TBX18: variants seen among roughly 807,000 people sequenced by gnomAD.
TBX18 encodes T-box transcription factor TBX18.
TBX18 carries 21 observed loss-of-function variants against 55.0 expected under a neutral mutation model. That is an observed-to-expected ratio of 0.38 (90% CI 0.27 to 0.55). TBX18 has a LOEUF of 0.55. TBX18 is among the 20% of genes least tolerant of loss of function. The probability of loss-of-function intolerance (pLI) is 0.73; values close to 1 mark genes in which losing one functional copy is unlikely to be tolerated. For missense variants in TBX18, 840 were observed against 799.6 expected (o/e 1.05, Z -0.61); for synonymous variants, 342 against 326.1 (o/e 1.05, Z -0.53).
chr6:84,759,381 G>A (rs1276976988), intron 3 of TBX18, among the ~76,000 whole-genome samples: 1 of 152,054 alleles, frequency 6.6e-6, no homozygotes, highest in Non-Finnish European at 1.5e-5. Context: ...TAAAAGCTCT[G>A]TCCCATGCAA....
Position 84,738,561 on chromosome 6 carries a change from A to T in TBX18, c.1035T>A (p.Tyr345Ter). Residue 345 changes from tyrosine (Y) to a stop codon, truncating the protein, a stop_gained, in exon 7 of 8, where the codon TAT (tyrosine) becomes TAA (stop). Coordinates refer to ENST00000369663, the MANE Select transcript of TBX18 (RefSeq NM_001080508.3). LOFTEE classifies it high-confidence loss of function. The stretch of plus-strand genomic sequence containing the variant: ...TCCGTAGTGATGGTCGCCAGAATGC[A>T]TATGATTCCACCAAGGCTTCCAAAC... ...RMGLEALVES[Y>*]AFWRPSLRTL... The T allele has an allele frequency of 6.2e-7, 1 of 1,614,082 alleles. No homozygotes were observed. Among genetic ancestry groups the T allele is most frequent in the Admixed American group, 1.7e-5 (1 of 60,020 alleles).
In TBX18 at chr6:84,736,463, A is replaced by G. The variant is rs947814167; in HGVS notation, c.*222T>C. 5.2e-6 allele frequency: 2 copies of G among 384,072 alleles called. No homozygotes were observed. The highest frequency in any genetic ancestry group is 8.9e-6 in the Non-Finnish European group (2 of 225,696). The allele number at this position is 384,072 out of a possible 1,614,324, so 23.8% of individuals were successfully genotyped here. On this transcript the variant is annotated 3_prime_UTR_variant, in exon 8 of 8. Transcript: ENST00000369663. ...GTGCAACTGGATGAAACAGGGGAAC[A>G]ATAGGGGCCGTGATACTCCATGTGC...
At chr6:84,761,986 G>A (rs1411286536) in intron 2 of TBX18, among the ~76,000 whole-genome samples, 1 of 152,150 alleles carries the variant, frequency 6.6e-6, no homozygotes, top group African/African-American at 2.4e-5. Flanking sequence ...AACATGTATT[G>A]TGGGTGAGTC....
Position 84,764,294 on chromosome 6 carries a change from C to G in TBX18, c.-113G>C. ...AAAGGCTCTCGGGGCCTCCCGAGATCTGCCCCCTTCCCCACCGCGGGCAAA... is the reference window on the plus strand; with the variant it reads ...AAAGGCTCTCGGGGCCTCCCGAGATGTGCCCCCTTCCCCACCGCGGGCAAA... On this transcript the variant is annotated 5_prime_UTR_variant, in exon 1 of 8. Transcript: ENST00000369663. 1 of 1,303,524 alleles carries G rather than the reference C, an allele frequency of 7.7e-7. No individual in the cohort carries two copies. Among genetic ancestry groups the G allele is most frequent in the Non-Finnish European group, 9.9e-7 (1 of 1,013,312 alleles). The allele number at this position is 1,303,524 out of a possible 1,614,324, so 80.7% of individuals were successfully genotyped here. A position where few individuals can be genotyped will look rare whatever the true frequency, so the allele number is the denominator to read the frequency against.
rs1490056486 is a variant in TBX18 at position 84,736,413 on chromosome 6, C to T, written c.*272G>A. On this transcript the variant is annotated 3_prime_UTR_variant, in exon 8 of 8. Transcript: ENST00000369663. The stretch of plus-strand genomic sequence containing the variant: ...AAAGAGTCTGAGAACTTTGCTTAAA[C>T]ATACTACACGCATGCCAATACTCCG... 3.7e-6 allele frequency: 1 copy of T among 267,308 alleles called. No homozygotes were observed. Among genetic ancestry groups the T allele is most frequent in the Non-Finnish European group, 6.9e-6 (1 of 144,918 alleles). The allele number at this position is 267,308 out of a possible 1,614,324, so 16.6% of individuals were successfully genotyped here. A position where few individuals can be genotyped will look rare whatever the true frequency, so the allele number is the denominator to read the frequency against.
chr6:84,736,624 T>C lies in TBX18; in HGVS notation c.*61A>G. ...CAGAGAGTTTCTTTCCACATAGCTTTTAAAAAAGAAAAAGAAAATATGTTA... is the reference window on the plus strand; with the variant it reads ...CAGAGAGTTTCTTTCCACATAGCTTCTAAAAAAGAAAAAGAAAATATGTTA... On this transcript the variant is annotated 3_prime_UTR_variant, in exon 8 of 8. Coordinates refer to ENST00000369663, the MANE Select transcript of TBX18 (RefSeq NM_001080508.3). 1 of 1,463,892 alleles carries C rather than the reference T, an allele frequency of 6.8e-7. No homozygotes were observed. Among genetic ancestry groups the C allele is most frequent in the Non-Finnish European group, 9.0e-7 (1 of 1,106,976 alleles). 90.7% of individuals were successfully genotyped at this position (1,463,892 alleles called of 1,614,324 possible). A position where few individuals can be genotyped will look rare whatever the true frequency, so the allele number is the denominator to read the frequency against.
intron 1 of TBX18, chr6:84,763,058 T>G: frequency 4.2e-6 from 2 of 477,848 alleles, no homozygotes; most frequent in Non-Finnish European, 3.8e-6. Flanking sequence ...CAGAAAAGGC[T>G]TCACGCCGCC....
At chr6:84,744,401 T>G in intron 5 of TBX18, 76 bp from the exon 6 acceptor site, 6 of 1,308,820 alleles carry the variant, frequency 4.6e-6, no homozygotes, top group Non-Finnish European at 6.5e-6. Context: ...AAAACTACAA[T>G]GAGTCAAAAG....
chr6:84,733,091 TCTC>T lies in TBX18; in HGVS notation c.*3591_*3593del, dbSNP rs1344822638. 3 of 152,144 alleles carry T rather than the reference TCTC, an allele frequency of 2.0e-5. No individual in the cohort carries two copies. Among genetic ancestry groups the T allele is most frequent in the Non-Finnish European group, 4.4e-5 (3 of 68,004 alleles). The allele number at this position is 152,144 out of a possible 1,614,324, so 9.4% of individuals were successfully genotyped here. Reference sequence around the variant, plus strand: ...TCTCTAATTCCCGAGGACATGTTATTCTCATCATACCACAGTTCAATGAAAAGA... The same window carrying T: ...TCTCTAATTCCCGAGGACATGTTATTATCATACCACAGTTCAATGAAAAGA... On this transcript the variant is annotated 3_prime_UTR_variant, in exon 8 of 8. Transcript: ENST00000369663.
At position 84,736,751 on chromosome 6, in the gene TBX18, G is replaced by T; in HGVS notation, c.1758C>A (p.Phe586Leu). ...AGCTTCCTAGGGTCCTAGAGTCAAAGAAACTCTGCTGACCCCCACTGCTAA... is the reference window on the plus strand; with the variant it reads ...AGCTTCCTAGGGTCCTAGAGTCAAATAAACTCTGCTGACCCCCACTGCTAA... ...HLLSSGGQQSFFDSRTLGSLT... is the reference protein window; with the variant it reads ...HLLSSGGQQSLFDSRTLGSLT... Residue 586 changes from phenylalanine (F) to leucine (L), a missense_variant, in exon 8 of 8, where the codon TTC becomes TTA. Coordinates refer to ENST00000369663, the MANE Select transcript of TBX18 (RefSeq NM_001080508.3). 2 of 1,612,208 alleles carry T rather than the reference G, an allele frequency of 1.2e-6. No individual in the cohort carries two copies. Among genetic ancestry groups the T allele is most frequent in the Non-Finnish European group, 8.5e-7 (1 of 1,179,296 alleles).
At chr6:84,758,204 G>A (rs889931972) in intron 3 of TBX18, among the ~76,000 whole-genome samples, 1 of 151,942 alleles carries the variant, frequency 6.6e-6, no homozygotes, top group Non-Finnish European at 1.5e-5. Flanking sequence ...TCAGGAGTTC[G>A]AGATCAGGCT....
rs571742832 is a variant in TBX18, at chr6:84,761,211, T to C, written c.498-855A>G. On this transcript the variant is annotated intron_variant, in intron 2 of 7. Transcript: ENST00000369663. ...TTTAAATATCATTTAATGACTTACG[T>C]TTAAGTCCCTTCCAAGGAAATCTAA... 1.3e-3 allele frequency among the ~76,000 whole-genome samples: 201 copies of C among 152,238 alleles called. 1 individual carries two copies. The highest frequency in any genetic ancestry group is 4.5e-3 in the African/African-American group (186 of 41,588).
At chr6:84,762,988 G>A in intron 1 of TBX18, 1 of 572,422 alleles carries the variant, frequency 1.7e-6, no homozygotes. Context: ...CCAAGCCCGG[G>A]AGAGGCGCGC....
chr6:84,756,777 G>A lies in TBX18; in HGVS notation c.692C>T (p.Ser231Leu), dbSNP rs753516864. 38 of 1,613,956 alleles carry A rather than the reference G, an allele frequency of 2.4e-5. 1 individual carries two copies. The South Asian group carries it at 3.5e-4, about 15-fold the overall frequency. The change falls in exon 4 of 8, where the codon TCG (serine) becomes TTG (leucine). Residue 231 changes from serine (S) to leucine (L), a missense_variant. Physicochemically the swap from Ser to Leu is moderately radical, Grantham distance 145. Transcript: ENST00000369663. ...AACTTGTCTCATCCAAGTCTCCCCC[G>A]AGGCAGGCGAGTCTGGATGAATGTA... ...RVYIHPDSPASGETWMRQVIS... is the reference protein window; with the variant it reads ...RVYIHPDSPALGETWMRQVIS...
At position 84,763,915 on chromosome 6, in the gene TBX18, G is replaced by A. The variant is rs367613915; in HGVS notation, c.267C>T (p.Gly89=). Reference sequence around the variant, plus strand: ...CCGCGGCTCCGCGCTCCAGGTCTGCGCCACTCCGAGCCGGCCCAGACGTCG... The same window carrying A: ...CCGCGGCTCCGCGCTCCAGGTCTGCACCACTCCGAGCCGGCCCAGACGTCG... The part of the protein sequence containing the change: ...AGATSGPARS[G]ADLERGAAGG... Residue 89 remains glycine (G), a synonymous_variant, in exon 1 of 8, where the codon GGC becomes GGT. Coordinates refer to ENST00000369663, the MANE Select transcript of TBX18 (RefSeq NM_001080508.3). 2.6e-5 allele frequency: 40 copies of A among 1,554,306 alleles called. No homozygotes were observed. In the Middle Eastern group the frequency reaches 1.0e-3, roughly 39 times the overall value.
chr6:84,742,807 T>C (rs1194181300), intron 6 of TBX18, among the ~76,000 whole-genome samples: 1 of 152,172 alleles, frequency 6.6e-6, no homozygotes, highest in Non-Finnish European at 1.5e-5. Context: ...ACAAATACTA[T>C]TCTGCTATAA....
At chr6:84,763,495 C>T (rs1416798457) in intron 1 of TBX18, 2 of 482,460 alleles carry the variant, frequency 4.1e-6, no homozygotes, top group Admixed American at 4.6e-5. Flanking sequence ...GGCATTCGTT[C>T]CGGTTTCAGG....
intron 4 of TBX18, 90 bp downstream of exon 4, chr6:84,756,608 T>C (rs1687821412): frequency 3.2e-6 from 4 of 1,236,832 alleles, no homozygotes; most frequent in Admixed American, 3.9e-5. Flanking sequence ...ATGAACATTA[T>C]GATCTTAGAA....
In TBX18 at chr6:84,736,970, G is replaced by A; in HGVS notation, c.1539C>T (p.Thr513=). Residue 513 remains threonine, a synonymous_variant, in exon 8 of 8, where the codon ACC becomes ACT. Coordinates refer to ENST00000369663, the MANE Select transcript of TBX18 (RefSeq NM_001080508.3). ...TAAAAGTATTATAGGAACCCTGATG[G>A]GTCTGGTTAGTGGCGAAGGCATTGC... ...PSSNAFATNQ[T]HQGSYNTFRL... 1 of 1,610,648 alleles carries A rather than the reference G, an allele frequency of 6.2e-7. No homozygotes were observed. The highest frequency in any genetic ancestry group is 8.5e-7 in the Non-Finnish European group (1 of 1,177,934).
Sources: allele counts gnomAD v4.1 joint callset (sites outside exome capture counted in the v4.1 genomes callset), GRCh38; gene constraint gnomAD v4.1.1; transcripts MANE v1.5; gene names NCBI Gene and HGNC (gene_info 2026-07-23, HGNC 2026-07-21).